Variants in AGBL4 observed in about 807,000 individuals in gnomAD.
AGBL4 encodes AGBL carboxypeptidase 4, also known as cytosolic carboxypeptidase 6.
Under a neutral mutation model 66.4 loss-of-function variants are expected in AGBL4, and 58 were observed. That is an observed-to-expected ratio of 0.87 (90% CI 0.71 to 1.09). The LOEUF (loss-of-function observed/expected upper bound fraction) is 1.09. Ranked by LOEUF, AGBL4 falls within the 50% of genes least tolerant of loss-of-function variation. AGBL4 has a pLI of 0.00. For missense variants in AGBL4, 579 were observed against 631.0 expected (o/e 0.92, Z 0.88); for synonymous variants, 234 against 222.9 (o/e 1.05, Z -0.44).
At chr1:49,050,860 C>T (rs749484252) in intron 4 of AGBL4, among the ~76,000 whole-genome samples, 8 of 152,186 alleles carry the variant, frequency 5.3e-5, no homozygotes, top group South Asian at 2.1e-4. Context: ...AGGAGCTCAA[C>T]GTATTTTGTT....
chr1:49,117,936 A>G (rs2148036082), intron 4 of AGBL4, among the ~76,000 whole-genome samples: 1 of 152,282 alleles, frequency 6.6e-6, no homozygotes, highest in African/African-American at 2.4e-5. Flanking sequence ...GGTCCTTCAC[A>G]TCCCTTGTAA....
At chr1:49,820,918 C>A (rs2147992173) in intron 2 of AGBL4, among the ~76,000 whole-genome samples, 1 of 152,308 alleles carries the variant, frequency 6.6e-6, no homozygotes, top group Non-Finnish European at 1.5e-5. Context: ...TCCTTCTCTA[C>A]AAACAGGAAT....
chr1:49,185,058 C>T (rs1452876003), intron 4 of AGBL4, among the ~76,000 whole-genome samples: 1 of 152,074 alleles, frequency 6.6e-6, no homozygotes, highest in African/African-American at 2.4e-5. Flanking sequence ...TGCTGTTTTC[C>T]CATTTTACAG....
intron 3 of AGBL4, among the ~76,000 whole-genome samples, chr1:49,251,263 C>T (rs1034296709): frequency 1.8e-4 from 27 of 152,162 alleles, no homozygotes; most frequent in Middle Eastern, 3.2e-3. Context: ...AGCTTCCCCT[C>T]GGCCCAAGGC....
intron 6 of AGBL4, among the ~76,000 whole-genome samples, chr1:48,827,564 C>G (rs917877783): frequency 6.6e-6 from 1 of 152,178 alleles, no homozygotes; most frequent in Non-Finnish European, 1.5e-5. Flanking sequence ...GGCTCCATGT[C>G]CTTGCTCTGG....
At chr1:49,709,055 C>T (rs1218717062) in intron 2 of AGBL4, among the ~76,000 whole-genome samples, 1 of 152,216 alleles carries the variant, frequency 6.6e-6, no homozygotes, top group African/African-American at 2.4e-5. Context: ...AATGAGGAGG[C>T]ACTCTGTCTC....
chr1:48,542,910 C>T (rs769405684), intron 11 of AGBL4, among the ~76,000 whole-genome samples: 6 of 152,120 alleles, frequency 3.9e-5, no homozygotes, highest in African/African-American at 7.2e-5. Context: ...TGAAGTCTTT[C>T]GTGCTGGGCA....
rs560647106 is a variant in AGBL4, at chr1:48,661,083, C to T, written c.724+2069G>A. Among the ~76,000 whole-genome samples, 8 of 151,260 alleles carry T rather than the reference C, an allele frequency of 5.3e-5. No individual in the cohort carries two copies. In the East Asian group the frequency reaches 1.6e-3, roughly 29 times the overall value. ...GATGTGGAAAATGACAGTTGGAGAC[C>T]AGCCCTAGACCTTACACAGCTCGTG... On this transcript the variant is annotated intron_variant, in intron 7 of 13. Coordinates refer to ENST00000371839, the MANE Select transcript of AGBL4 (RefSeq NM_032785.4).
intron 1 of AGBL4, among the ~76,000 whole-genome samples, chr1:50,000,905 G>A (rs1660699964): frequency 6.6e-6 from 1 of 152,074 alleles, no homozygotes; most frequent in African/African-American, 2.4e-5. Context: ...TCGGGACTCA[G>A]GGGGAAGGGT....
At chr1:48,934,523 C>T (rs930862906) in intron 5 of AGBL4, among the ~76,000 whole-genome samples, 23 of 152,278 alleles carry the variant, frequency 1.5e-4, no homozygotes, top group East Asian at 9.7e-4. Context: ...AAATACACAA[C>T]GGTATGCTAG....
the AGBL4 span, among the ~76,000 whole-genome samples, chr1:48,526,108 G>A: frequency 3.6e-4 from 55 of 152,280 alleles, no homozygotes; most frequent in African/African-American, 1.1e-3. Flanking sequence ...AAAGGAGACC[G>A]CCTAAAGCAA....
chr1:49,720,498 T>C (rs571005895), intron 2 of AGBL4, among the ~76,000 whole-genome samples: 2 of 152,310 alleles, frequency 1.3e-5, no homozygotes, highest in African/African-American at 4.8e-5. Context: ...TAGCAGCTAT[T>C]CTGCTATTTA....
At chr1:48,566,313 G>C (rs1014980610) in intron 11 of AGBL4, among the ~76,000 whole-genome samples, 1 of 152,196 alleles carries the variant, frequency 6.6e-6, no homozygotes, top group Non-Finnish European at 1.5e-5. Context: ...TCACTAGACT[G>C]TGAGGGTAGA....
intron 1 of AGBL4, among the ~76,000 whole-genome samples, chr1:49,985,627 C>A (rs571482001): frequency 6.6e-6 from 1 of 152,244 alleles, no homozygotes; most frequent in South Asian, 2.1e-4. Context: ...TACACACGGG[C>A]CTTTCAGCAC....
chr1:49,869,258 G>A lies in AGBL4; in HGVS notation c.35-17740C>T, dbSNP rs143188888. ...GCCATTACTGGGTATATACCCAAAGGAATATAACTTATTCTATTATAAAGA... is the reference window on the plus strand; with the variant it reads ...GCCATTACTGGGTATATACCCAAAGAAATATAACTTATTCTATTATAAAGA... On this transcript the variant is annotated intron_variant, in intron 1 of 13. Transcript: ENST00000371839. Among the ~76,000 whole-genome samples, 916 of 152,168 alleles carry A rather than the reference G, an allele frequency of 6.0e-3. 10 individuals are homozygous for A. Among genetic ancestry groups the A allele is most frequent in the African/African-American group, 0.021 (882 of 41,496 alleles).
chr1:49,692,753 A>G (rs183857385), intron 3 of AGBL4, among the ~76,000 whole-genome samples: 1 of 152,216 alleles, frequency 6.6e-6, no homozygotes, highest in Admixed American at 6.5e-5. Flanking sequence ...CTTTCTCAGA[A>G]TCTTAAAGGG....
chr1:49,417,181 G>C (rs1645444942), intron 3 of AGBL4, among the ~76,000 whole-genome samples: 1 of 151,996 alleles, frequency 6.6e-6, no homozygotes, highest in African/African-American at 2.4e-5. Context: ...GAGGAAACCT[G>C]TCCTGAAAGA....
At chr1:49,145,706 A>G (rs916644773) in intron 4 of AGBL4, among the ~76,000 whole-genome samples, 2 of 152,152 alleles carry the variant, frequency 1.3e-5, no homozygotes, top group Non-Finnish European at 2.9e-5. Flanking sequence ...AGGTTCTTCA[A>G]AAAACTAAAA....
At position 48,605,233 on chromosome 1, in the gene AGBL4, G is replaced by A. The variant is rs191734792; in HGVS notation, c.952-14248C>T. ...TTGGGTTTGTCATGGGGAGCCAAGA[G>A]CATGAATTATTGGTAGGCAAGGAAT... On this transcript the variant is annotated intron_variant, in intron 9 of 13. Coordinates refer to ENST00000371839, the MANE Select transcript of AGBL4 (RefSeq NM_032785.4). Among the ~76,000 whole-genome samples the A allele has an allele frequency of 3.3e-5, 5 of 152,302 alleles. No homozygotes were observed. In the East Asian group the frequency reaches 9.7e-4, roughly 29 times the overall value.
Sources: gnomAD v4.1 joint callset for allele counts (sites outside exome capture counted in the v4.1 genomes callset) on GRCh38, gnomAD v4.1.1 for gene constraint, MANE v1.5 for transcripts, NCBI Gene and HGNC (gene_info 2026-07-23, HGNC 2026-07-21) for gene names.